The following CA13 variants were observed in gnomAD, a reference collection of about 807,000 sequenced individuals.
CA13 encodes the protein CA-XIII.
CA13 carries 21 observed loss-of-function variants against 31.5 expected under a neutral mutation model. The observed-to-expected ratio is 0.67, with a 90% CI of 0.47 to 0.96. The LOEUF is 0.96. Among genes scored for constraint, CA13 ranks in the 40% least tolerant of loss-of-function variants. The pLI, the probability that CA13 is intolerant of heterozygous loss-of-function variation, is 0.00. For missense variants in CA13, 315 were observed against 318.9 expected (o/e 0.99, Z 0.09); for synonymous variants, 117 against 111.4 (o/e 1.05, Z -0.32).
rs1270081838 is a variant in CA13, at chr8:85,267,761, G to C, written c.451-141G>C. The C allele has an allele frequency of 5.9e-6, 3 of 510,674 alleles. No individual in the cohort carries two copies. In the African/African-American group the frequency reaches 5.9e-5, roughly 10 times the overall value. 31.6% of individuals were successfully genotyped at this position (510,674 alleles called of 1,614,324 possible). ...GATAAGGCTGGCAGGTAAAAGAGAAGCTTTGTTGTAGAACAATCACTGTAT... is the reference window on the plus strand; with the variant it reads ...GATAAGGCTGGCAGGTAAAAGAGAACCTTTGTTGTAGAACAATCACTGTAT... On this transcript the variant is annotated intron_variant, in intron 4 of 6. Coordinates refer to ENST00000321764, the MANE Select transcript of CA13 (RefSeq NM_198584.3).
chr8:85,264,465 T>A (rs1807428839), intron 3 of CA13, among the ~76,000 whole-genome samples: 1 of 152,164 alleles, frequency 6.6e-6, no homozygotes, highest in Non-Finnish European at 1.5e-5. Flanking sequence ...AATTAAAATA[T>A]AAATGCTAAT....
At chr8:85,253,993 A>T (rs79379098) in intron 2 of CA13, among the ~76,000 whole-genome samples, 2 of 152,188 alleles carry the variant, frequency 1.3e-5, no homozygotes, top group African/African-American at 4.8e-5. Flanking sequence ...AAATAAAAAA[A>T]TAAGGCCGGG....
At chr8:85,269,913 C>A (rs1340710950) in intron 6 of CA13, among the ~76,000 whole-genome samples, 1 of 152,102 alleles carries the variant, frequency 6.6e-6, no homozygotes, top group Non-Finnish European at 1.5e-5. Context: ...CAGGGTCTTG[C>A]ATTATTGCCC....
chr8:85,253,196 C>G (rs571754844), intron 2 of CA13, among the ~76,000 whole-genome samples: 1 of 152,140 alleles, frequency 6.6e-6, no homozygotes, highest in Non-Finnish European at 1.5e-5. Context: ...CCGCCCGCCT[C>G]GGCCTCCCAA....
At chr8:85,265,968 C>T (rs541891348) in intron 3 of CA13, among the ~76,000 whole-genome samples, 6 of 152,232 alleles carry the variant, frequency 3.9e-5, no homozygotes, top group Admixed American at 6.5e-5. Flanking sequence ...TCCTTGGTAG[C>T]GGGATTGTCC....
intron 6 of CA13, among the ~76,000 whole-genome samples, chr8:85,273,255 G>A (rs547312479): frequency 6.6e-6 from 1 of 152,170 alleles, no homozygotes; most frequent in Admixed American, 6.5e-5. Flanking sequence ...AGGTATTCTA[G>A]TGGGCATGTG....
chr8:85,250,705 A>AT lies in CA13; in HGVS notation c.38-32dup, dbSNP rs1489125737. The AT allele has an allele frequency of 2.2e-6, 3 of 1,374,152 alleles. No homozygotes were observed. The African/African-American group carries it at 4.3e-5, about 20-fold the overall frequency. The allele number at this position is 1,374,152 out of a possible 1,614,324, so 85.1% of individuals were successfully genotyped here. The stretch of plus-strand genomic sequence containing the variant: ...GTATGTTTGTTGAAAGAAAGAACTT[A>AT]TTTAATCCTTTTCTTTTGGTCCTAT... On this transcript the variant is annotated intron_variant, in intron 1 of 6. Transcript: ENST00000321764.
At chr8:85,260,016 C>A (rs1294703381) in intron 3 of CA13, among the ~76,000 whole-genome samples, 1 of 150,968 alleles carries the variant, frequency 6.6e-6, no homozygotes, top group Non-Finnish European at 1.5e-5. Flanking sequence ...AGGTAAATGG[C>A]AAAGTTTCAC....
In CA13 at chr8:85,282,351, A is replaced by G. The variant is rs748180781; in HGVS notation, c.*1002A>G. 8.5e-5 allele frequency: 13 copies of G among 152,664 alleles called. No homozygotes were observed. Among genetic ancestry groups the G allele is most frequent in the Non-Finnish European group, 1.3e-4 (9 of 68,044 alleles). 9.5% of individuals were successfully genotyped at this position (152,664 alleles called of 1,614,324 possible). A position where few individuals can be genotyped will look rare whatever the true frequency, so the allele number is the denominator to read the frequency against. ...ATACCATATATGATATTCACTCAGTAATGTTAATAATGAACTGGCTAATAA... is the reference window on the plus strand; with the variant it reads ...ATACCATATATGATATTCACTCAGTGATGTTAATAATGAACTGGCTAATAA... On this transcript the variant is annotated 3_prime_UTR_variant, in exon 7 of 7. Coordinates refer to ENST00000321764, the MANE Select transcript of CA13 (RefSeq NM_198584.3).
At position 85,246,118 on chromosome 8, in the gene CA13, A is replaced by G. The variant is rs1278758983; in HGVS notation, c.37+253A>G. ...TCTGTCAGGATTCCCCAAACTCCCA[A>G]GTGTTCATACGTGTGAGTTCACCTT... On this transcript the variant is annotated intron_variant, in intron 1 of 6. Coordinates refer to ENST00000321764, the MANE Select transcript of CA13 (RefSeq NM_198584.3). 2.0e-5 allele frequency among the ~76,000 whole-genome samples: 3 copies of G among 152,138 alleles called. No individual in the cohort carries two copies. In the East Asian group the frequency reaches 5.8e-4, roughly 29 times the overall value.
At chr8:85,246,531 C>G (rs1813734101) in intron 1 of CA13, 1 of 455,804 alleles carries the variant, frequency 2.2e-6, no homozygotes, top group Non-Finnish European at 4.4e-6. Flanking sequence ...CCACGCTCAT[C>G]CTTGCAGGGT....
At chr8:85,261,196 A>C (rs565790184) in intron 3 of CA13, among the ~76,000 whole-genome samples, 7 of 152,200 alleles carry the variant, frequency 4.6e-5, no homozygotes, top group Non-Finnish European at 7.3e-5. Flanking sequence ...TAAATGGAAA[A>C]AATTTATAAT....
chr8:85,259,232 T>C (rs981661844), intron 2 of CA13, among the ~76,000 whole-genome samples, 189 bp from the exon 3 acceptor site: 7 of 152,204 alleles, frequency 4.6e-5, no homozygotes, highest in Non-Finnish European at 1.0e-4. Flanking sequence ...TTTAAGCTTT[T>C]AAAAATGTTC....
intron 3 of CA13, among the ~76,000 whole-genome samples, chr8:85,266,198 A>G (rs1807453995): frequency 6.6e-6 from 1 of 152,136 alleles, no homozygotes; most frequent in African/African-American, 2.4e-5. Context: ...TTAAAAATTT[A>G]TTTATTTTCT....
rs1371852372 is a variant in CA13, at chr8:85,281,362, A to G, written c.*13A>G. On this transcript the variant is annotated 3_prime_UTR_variant, in exon 7 of 7. Transcript: ENST00000321764. ...CTCTTTCCATTAAAAATTGTCACCAATGAACTCCCCCAAACATGGCTGTGG... is the reference window on the plus strand; with the variant it reads ...CTCTTTCCATTAAAAATTGTCACCAGTGAACTCCCCCAAACATGGCTGTGG... 4 of 1,613,402 alleles carry G rather than the reference A, an allele frequency of 2.5e-6. No individual in the cohort carries two copies. Among genetic ancestry groups the G allele is most frequent in the Non-Finnish European group, 3.4e-6 (4 of 1,179,548 alleles).
rs1807323179 is a variant in CA13 at position 85,257,868 on chromosome 8, G to A, written c.236-1553G>A. On this transcript the variant is annotated intron_variant, in intron 2 of 6. Transcript: ENST00000321764. Reference sequence around the variant, plus strand: ...GCTGGTCTCAAACTCCTGACCTCAAGTGATCCACCTGCCTCAGCCTCCCAA... The same window carrying A: ...GCTGGTCTCAAACTCCTGACCTCAAATGATCCACCTGCCTCAGCCTCCCAA... Among the ~76,000 whole-genome samples, 4 of 148,598 alleles carry A rather than the reference G, an allele frequency of 2.7e-5. No homozygotes were observed. The South Asian group carries it at 8.5e-4, about 31-fold the overall frequency.
intron 2 of CA13, among the ~76,000 whole-genome samples, chr8:85,253,502 G>A (rs1807231613): frequency 7.0e-6 from 1 of 143,728 alleles, no homozygotes; most frequent in South Asian, 2.2e-4. Flanking sequence ...TGGGCTCAAG[G>A]GATCTGCCCG....
intron 6 of CA13, among the ~76,000 whole-genome samples, chr8:85,275,917 T>C (rs1420677528): frequency 1.3e-5 from 2 of 152,236 alleles, no homozygotes; most frequent in African/African-American, 2.4e-5. Flanking sequence ...CTCGCAGCCC[T>C]TGCTCGCTCT....
intron 1 of CA13, among the ~76,000 whole-genome samples, chr8:85,250,156 G>C (rs1265551334): frequency 1.3e-5 from 2 of 152,162 alleles, no homozygotes; most frequent in African/African-American, 2.4e-5. Flanking sequence ...CATTTTATTT[G>C]GATTATCCTA....
Sources: allele counts gnomAD v4.1 joint callset (sites outside exome capture counted in the v4.1 genomes callset), GRCh38; gene constraint gnomAD v4.1.1; transcripts MANE v1.5; gene names NCBI Gene and HGNC (gene_info 2026-07-23, HGNC 2026-07-21).